The following PRH1 variants were observed in gnomAD, a reference collection of about 807,000 sequenced individuals.
The protein encoded by PRH1 is salivary acidic proline-rich phosphoprotein 1/2.
A neutral mutation model predicts 7.9 loss-of-function variants in PRH1; 7 were observed. The observed-to-expected ratio is 0.89, with a 90% CI of 0.50 to 1.67. PRH1 has a LOEUF of 1.67. Among genes scored for constraint, PRH1 ranks in the 40% most tolerant of loss-of-function variants. The pLI, the probability that PRH1 is intolerant of heterozygous loss-of-function variation, is 0.00. For missense variants in PRH1, 109 were observed against 223.6 expected (o/e 0.49, Z 3.27); for synonymous variants, 45 against 80.8 (o/e 0.56, Z 2.38).
At chr12:10,941,107 C>T (rs1268871010) in intron 2 of PRH1, among the ~76,000 whole-genome samples, 1 of 152,054 alleles carries the variant, frequency 6.6e-6, no homozygotes, top group African/African-American at 2.4e-5. Context: ...GGAAAGAAGA[C>T]AAAGAGAAAG....
intron 1 of PRH1, among the ~76,000 whole-genome samples, chr12:10,985,549 G>A (rs1452565021): frequency 1.3e-5 from 2 of 152,098 alleles, no homozygotes; most frequent in Non-Finnish European, 2.9e-5. Flanking sequence ...CAAAGATTTT[G>A]AGATAATGTG....
At chr12:10,999,948 T>C (rs1481716418) in intron 1 of PRH1, among the ~76,000 whole-genome samples, 1 of 152,150 alleles carries the variant, frequency 6.6e-6, no homozygotes, top group East Asian at 1.9e-4. Flanking sequence ...GGATTTACTG[T>C]AATCTTTCAT....
At position 10,903,487 on chromosome 12, in the gene PRH1, GAAAAAACGCTC is replaced by G. The variant is rs145305116; in HGVS notation, c.-58-19223_-58-19213del. ...ACTAACAAGGAAATTCTGGACTCTT[GAAAAAACGCTC>G]AAATAATTAGGCATTGAAGGAACAT... is the stretch of plus-strand genomic sequence containing the variant. On this transcript the variant is annotated intron_variant, in intron 2 of 3. Coordinates refer to the PRH1 transcript ENST00000539853. Among the ~76,000 whole-genome samples, 696 of 151,806 alleles carry G rather than the reference GAAAAAACGCTC, an allele frequency of 4.6e-3. 5 individuals are homozygous for G. The highest frequency in any genetic ancestry group is 0.016 in the African/African-American group (670 of 41,484).
At chr12:10,929,174 A>G in intron 2 of PRH1, 1 of 1,514,626 alleles carries the variant, frequency 6.6e-7, no homozygotes, top group Non-Finnish European at 9.1e-7. Flanking sequence ...CCCACCTGGT[A>G]GGGAGCTCAA....
At chr12:10,947,068 T>C (rs1462776477) in intron 2 of PRH1, among the ~76,000 whole-genome samples, 1 of 152,174 alleles carries the variant, frequency 6.6e-6, no homozygotes, top group Non-Finnish European at 1.5e-5. Flanking sequence ...GATTATAGAG[T>C]ATGTGCCATG....
At chr12:10,993,157 ACT>A (rs1940024834) in intron 1 of PRH1, among the ~76,000 whole-genome samples, 1 of 152,184 alleles carries the variant, frequency 6.6e-6, no homozygotes, top group Non-Finnish European at 1.5e-5. Context: ...TGGTACCTTC[ACT>A]GAGAAAACAT....
At chr12:10,943,224 C>T (rs1950431996) in intron 2 of PRH1, among the ~76,000 whole-genome samples, 2 of 152,186 alleles carry the variant, frequency 1.3e-5, no homozygotes, top group African/African-American at 2.4e-5. Flanking sequence ...TGCCTCCCAT[C>T]CACCATGATG....
chr12:10,935,785 A>G (rs1369475886), intron 2 of PRH1, among the ~76,000 whole-genome samples: 1 of 152,218 alleles, frequency 6.6e-6, no homozygotes, highest in Non-Finnish European at 1.5e-5. Context: ...GCAATAAACT[A>G]CATCAGCAAA....
At chr12:11,037,907 T>C (rs1045163656) in intron 1 of PRH1, among the ~76,000 whole-genome samples, 7 of 152,012 alleles carry the variant, frequency 4.6e-5, no homozygotes, top group African/African-American at 1.2e-4. Flanking sequence ...CAGGGTGTGG[T>C]GGTGCACACC....
At chr12:11,155,021 A>C (rs756612813) in intron 1 of PRH1, among the ~76,000 whole-genome samples, 8 of 152,218 alleles carry the variant, frequency 5.3e-5, no homozygotes, top group Non-Finnish European at 1.2e-4. Context: ...TCTTCTGCTT[A>C]ATTGTAGAGT....
intron 1 of PRH1, among the ~76,000 whole-genome samples, chr12:11,019,826 A>C (rs1201087730): frequency 6.6e-6 from 1 of 152,300 alleles, no homozygotes; most frequent in Non-Finnish European, 1.5e-5. Flanking sequence ...CCCTAAAAAC[A>C]AAAGTGTGTT....
intron 1 of PRH1, among the ~76,000 whole-genome samples, chr12:11,053,226 T>C (rs1244178352): frequency 6.6e-6 from 1 of 152,208 alleles, no homozygotes; most frequent in African/African-American, 2.4e-5. Context: ...TTCCATGACA[T>C]AATTTTCACT....
intron 2 of PRH1, among the ~76,000 whole-genome samples, chr12:10,972,396 G>T (rs553489611): frequency 6.6e-6 from 1 of 152,266 alleles, no homozygotes; most frequent in East Asian, 1.9e-4. Flanking sequence ...TAAAGCACCA[G>T]CACATGCTTA....
chr12:11,067,551 A>T (rs13303122), intron 1 of PRH1, among the ~76,000 whole-genome samples: 1 of 151,728 alleles, frequency 6.6e-6, no homozygotes, highest in Non-Finnish European at 1.5e-5. Context: ...TCTTCTTTTT[A>T]AAAAAATATT....
intron 2 of PRH1, among the ~76,000 whole-genome samples, chr12:10,935,164 C>A (rs989946396): frequency 3.3e-5 from 5 of 152,030 alleles, no homozygotes; most frequent in Admixed American, 3.3e-4. Context: ...TTTGCAAGTT[C>A]CCGTATACAC....
chr12:11,133,947 T>C (rs748299614), intron 1 of PRH1: 10 of 1,614,014 alleles, frequency 6.2e-6, no homozygotes, highest in African/African-American at 1.3e-5. Flanking sequence ...CTGAGGCTAG[T>C]AGCAAGCCAG....
intron 1 of PRH1, among the ~76,000 whole-genome samples, chr12:11,042,520 C>T (rs1030521506): frequency 4.9e-5 from 7 of 143,612 alleles, no homozygotes; most frequent in Admixed American, 1.4e-4. Flanking sequence ...TGGGAGCAGA[C>T]GGCTTTAGAT....
chr12:11,062,368 C>G, intron 1 of PRH1: 6 of 1,435,738 alleles, frequency 4.2e-6, no homozygotes, highest in Non-Finnish European at 5.6e-6. Context: ...AATATCCTGA[C>G]CTTAAATTCT....
chr12:11,030,517 T>C, intron 1 of PRH1: 1 of 1,614,236 alleles, frequency 6.2e-7, no homozygotes, highest in East Asian at 2.2e-5. Flanking sequence ...ATGGGTGGAT[T>C]GAAGGATAGC....
Sources: gnomAD v4.1 joint callset for allele counts (sites outside exome capture counted in the v4.1 genomes callset) on GRCh38, gnomAD v4.1.1 for gene constraint, MANE v1.5 for transcripts, NCBI Gene and HGNC (gene_info 2026-07-23, HGNC 2026-07-21) for gene names.